ZNF516: variants seen among roughly 807,000 people sequenced by gnomAD.
The protein encoded by ZNF516 is zinc finger protein 516.
Under a neutral mutation model 79.7 loss-of-function variants are expected in ZNF516, and 19 were observed. The ratio of observed to expected loss-of-function variants is 0.24; its 90% CI spans 0.17 to 0.35. The LOEUF is 0.35. Ranked by LOEUF, ZNF516 falls within the 10% of genes least tolerant of loss-of-function variation. The probability of loss-of-function intolerance (pLI) is 1.00; values close to 1 mark genes in which losing one functional copy is unlikely to be tolerated. For synonymous variants in ZNF516, 877 were observed against 739.5 expected (o/e 1.19, Z -3.02); for missense variants, 1,678 against 1,679.5 (o/e 1.00, Z 0.02).
At chr18:76,374,852 A>G (rs1337291821) in intron 4 of ZNF516, among the ~76,000 whole-genome samples, 1 of 152,210 alleles carries the variant, frequency 6.6e-6, no homozygotes. Flanking sequence ...ACATGCGGTG[A>G]GAAGAGAAGA....
At chr18:76,432,952 G>A (rs377402432) in intron 3 of ZNF516, among the ~76,000 whole-genome samples, 22 of 151,752 alleles carry the variant, frequency 1.4e-4, no homozygotes, top group African/African-American at 5.1e-4. Flanking sequence ...GGAAGAAGGC[G>A]ACCTCCCCAA....
chr18:76,364,425 C>T (rs1292626990), intron 6 of ZNF516, among the ~76,000 whole-genome samples: 2 of 152,224 alleles, frequency 1.3e-5, no homozygotes, highest in Non-Finnish European at 2.9e-5. Flanking sequence ...CGCCCACCAT[C>T]GCCTTGTCTT....
chr18:76,422,611 G>A (rs1599062571), intron 3 of ZNF516, among the ~76,000 whole-genome samples: 1 of 152,146 alleles, frequency 6.6e-6, no homozygotes, highest in South Asian at 2.1e-4. Flanking sequence ...TAAACAGAAA[G>A]GGGTTATGAA....
At position 76,467,470 on chromosome 18, in the gene ZNF516, A is replaced by G. The variant is rs1387180834; in HGVS notation, c.-271-4329T>C. Among the ~76,000 whole-genome samples, 5 of 152,172 alleles carry G rather than the reference A, an allele frequency of 3.3e-5. No individual in the cohort carries two copies. Among genetic ancestry groups the G allele is most frequent in the Admixed American group, 2.6e-4 (4 of 15,290 alleles). On this transcript the variant is annotated intron_variant, in intron 1 of 6. Transcript: ENST00000443185. The surrounding 1 kb of genome is among the most constrained non-coding windows in gnomAD (Gnocchi z 4.2). ...CTGAGATCTCTCTCGCCCTAACTAG[A>G]TATTAAGCACACCTCGGGGGCAGTG...
At chr18:76,486,074 C>A (rs1156467821) in intron 1 of ZNF516, among the ~76,000 whole-genome samples, 1 of 152,072 alleles carries the variant, frequency 6.6e-6, no homozygotes, top group Non-Finnish European at 1.5e-5. Flanking sequence ...TCTGTGTTTT[C>A]CTGAATTAAC....
chr18:76,422,922 G>A (rs984890624), intron 3 of ZNF516, among the ~76,000 whole-genome samples: 2 of 152,044 alleles, frequency 1.3e-5, no homozygotes, highest in South Asian at 2.1e-4. Flanking sequence ...TTCTGTCACC[G>A]GTTCATTTTT....
At chr18:76,370,017 G>C (rs1039012375) in intron 6 of ZNF516, among the ~76,000 whole-genome samples, 1 of 152,214 alleles carries the variant, frequency 6.6e-6, no homozygotes, top group Non-Finnish European at 1.5e-5. Flanking sequence ...CGCCTGGATG[G>C]TAAGGTGCAT....
At chr18:76,373,814 G>C (rs1692328781) in intron 4 of ZNF516, among the ~76,000 whole-genome samples, 1 of 152,356 alleles carries the variant, frequency 6.6e-6, no homozygotes, top group African/African-American at 2.4e-5. Flanking sequence ...ACTTTTTAAA[G>C]ACAGGGCACT....
intron 1 of ZNF516, among the ~76,000 whole-genome samples, chr18:76,482,967 G>C (rs1009325086): frequency 6.6e-6 from 1 of 152,104 alleles, no homozygotes; most frequent in Non-Finnish European, 1.5e-5. Context: ...ATATAGGTTC[G>C]GGTAAATAAT....
chr18:76,414,289 A>G (rs977128085), intron 3 of ZNF516, among the ~76,000 whole-genome samples: 4 of 152,240 alleles, frequency 2.6e-5, no homozygotes, highest in Admixed American at 2.6e-4. Flanking sequence ...ATCCTGAAGT[A>G]CGATTTCACT....
intron 2 of ZNF516, 125 bp from the exon 3 acceptor site, chr18:76,443,336 A>G (rs1911842351): frequency 2.3e-6 from 1 of 437,932 alleles, no homozygotes; most frequent in Admixed American, 4.3e-5. Flanking sequence ...AGCGGCACCA[A>G]CAACACTTCA....
At chr18:76,427,328 T>C (rs1167049382) in intron 3 of ZNF516, among the ~76,000 whole-genome samples, 1 of 152,166 alleles carries the variant, frequency 6.6e-6, no homozygotes, top group Admixed American at 6.5e-5. Context: ...TTATATGAAA[T>C]ACAGATAAAG....
intron 3 of ZNF516, among the ~76,000 whole-genome samples, chr18:76,433,857 A>T (rs2075695153): frequency 6.6e-6 from 1 of 152,194 alleles, no homozygotes; most frequent in Non-Finnish European, 1.5e-5. Flanking sequence ...AGAATCTCCC[A>T]AAAAGCTCAG....
intron 1 of ZNF516, among the ~76,000 whole-genome samples, chr18:76,464,318 G>A (rs969842511): frequency 1.3e-5 from 2 of 152,184 alleles, no homozygotes; most frequent in Non-Finnish European, 2.9e-5. Context: ...GTTGCAGTGA[G>A]TCGAGATCAT....
In ZNF516 at chr18:76,442,321, G is replaced by C; in HGVS notation, c.734C>G (p.Pro245Arg). ...ACACACCTCGCACGGGAACTCCCCG[G>C]GGCTCAGCTCGGGCTTGCCGTTCTC... ...CVENGKPELSPGEFPCEVCGQ... is the reference protein window; with the variant it reads ...CVENGKPELSRGEFPCEVCGQ... Residue 245 changes from proline (P) to arginine (R), a missense_variant, in exon 3 of 7, where the codon CCC becomes CGC. Coordinates refer to ENST00000443185, the MANE Select transcript of ZNF516 (RefSeq NM_014643.4). 6.2e-7 allele frequency: 1 copy of C among 1,611,680 alleles called. No homozygotes were observed. Among genetic ancestry groups the C allele is most frequent in the Non-Finnish European group, 8.5e-7 (1 of 1,179,374 alleles).
chr18:76,358,441 A>T lies in ZNF516; in HGVS notation c.*4057T>A, dbSNP rs969994729. The T allele has an allele frequency of 5.3e-5, 8 of 152,262 alleles. No individual in the cohort carries two copies. Among genetic ancestry groups the T allele is most frequent in the African/African-American group, 1.9e-4 (8 of 41,470 alleles). 9.4% of individuals were successfully genotyped at this position (152,262 alleles called of 1,614,324 possible). A position where few individuals can be genotyped will look rare whatever the true frequency, so the allele number is the denominator to read the frequency against. On this transcript the variant is annotated 3_prime_UTR_variant, in exon 7 of 7. Transcript: ENST00000443185. ...AAAGCAGAATTAGCAAAGCTGATGA[A>T]GAATGAACATTTTCCCTTGGGCGGG...
At chr18:76,495,631 C>A, upstream of ZNF516, 3 of 805,590 alleles carry the variant, frequency 3.7e-6, no homozygotes, top group Non-Finnish European at 5.0e-6. Flanking sequence ...TCGTCAAGGT[C>A]TAAGGCTGCT....
intron 3 of ZNF516, among the ~76,000 whole-genome samples, chr18:76,422,553 G>C (rs2145386436): frequency 6.6e-6 from 1 of 152,310 alleles, no homozygotes; most frequent in East Asian, 1.9e-4. Context: ...GTAGGACTCT[G>C]TATTTATGGA....
intron 3 of ZNF516, among the ~76,000 whole-genome samples, chr18:76,431,088 C>T (rs1225361326): frequency 1.3e-5 from 2 of 152,116 alleles, no homozygotes; most frequent in African/African-American, 4.8e-5. Context: ...AAGGCTTATG[C>T]AAATTATATA....
Sources: allele counts gnomAD v4.1 joint callset (sites outside exome capture counted in the v4.1 genomes callset), GRCh38; gene constraint gnomAD v4.1.1; non-coding constraint Gnocchi (gnomAD v3.1); transcripts MANE v1.5; gene names NCBI Gene and HGNC (gene_info 2026-07-23, HGNC 2026-07-21).